The following TBC1D9B variants were observed in gnomAD, a reference collection of about 807,000 sequenced individuals.
TBC1D9B encodes TBC1 domain family member 9B.
Under a neutral mutation model 121.1 loss-of-function variants are expected in TBC1D9B, and 87 were observed. The observed-to-expected ratio is 0.72, with a 90% CI of 0.60 to 0.86. TBC1D9B has a LOEUF of 0.86. Among genes scored for constraint, TBC1D9B ranks in the 40% least tolerant of loss-of-function variants. The pLI, the probability that TBC1D9B is intolerant of heterozygous loss-of-function variation, is 0.00. For missense variants in TBC1D9B, 1,540 were observed against 1,628.6 expected, an observed-to-expected ratio of 0.95 and a Z score of 0.94; for synonymous variants, 668 against 670.1, an observed-to-expected ratio of 1.00 and a Z score of 0.05.
intron 2 of TBC1D9B, among the ~76,000 whole-genome samples, chr5:179,903,032 C>G (rs892006444): frequency 6.6e-6 from 1 of 152,126 alleles, no homozygotes; most frequent in African/African-American, 2.4e-5. Context: ...CTTCCTTGAC[C>G]CTTCCCCTCC....
At chr5:179,871,715 C>A (rs1221694759) in intron 14 of TBC1D9B, 185 bp from the exon 15 acceptor site, 1 of 578,228 alleles carries the variant, frequency 1.7e-6, no homozygotes, top group Admixed American at 2.8e-5. Context: ...TGGCCCCCCA[C>A]CTACCACTCA....
chr5:179,889,115 T>C (rs1355543684), intron 6 of TBC1D9B, among the ~76,000 whole-genome samples: 4 of 151,866 alleles, frequency 2.6e-5, no homozygotes, highest in Admixed American at 6.6e-5. Flanking sequence ...CTGCAAGCTC[T>C]GCCTCCCGGG....
chr5:179,894,099 G>A (rs1015966696), intron 4 of TBC1D9B, among the ~76,000 whole-genome samples: 2 of 152,198 alleles, frequency 1.3e-5, no homozygotes, highest in Admixed American at 6.5e-5. Context: ...CCAGGAATTT[G>A]GGACAGACGT....
intron 12 of TBC1D9B, among the ~76,000 whole-genome samples, chr5:179,873,747 T>G (rs1266085399): frequency 6.6e-6 from 1 of 152,164 alleles, no homozygotes. Context: ...CTCTGTCAGC[T>G]GACCTAGCCC....
intron 3 of TBC1D9B, among the ~76,000 whole-genome samples, chr5:179,896,725 T>C (rs1172207846): frequency 6.6e-6 from 1 of 152,042 alleles, no homozygotes; most frequent in Non-Finnish European, 1.5e-5. Flanking sequence ...GGTTTTGCCA[T>C]GTTGGCCAGG....
rs1031838104 is a variant in TBC1D9B, at chr5:179,885,618, T to C, written c.1254+2485A>G. 1.3e-5 allele frequency among the ~76,000 whole-genome samples: 2 copies of C among 151,998 alleles called. No homozygotes were observed. Among genetic ancestry groups the C allele is most frequent in the African/African-American group, 2.4e-5 (1 of 41,366 alleles). The stretch of plus-strand genomic sequence containing the variant: ...CCAAAAAAAAAAAGATGGAGGTATT[T>C]TACGTTTTTCTTTTCATACGAAGTC... On this transcript the variant is annotated intron_variant, in intron 7 of 20. Coordinates refer to ENST00000355235, the MANE Select transcript of TBC1D9B (RefSeq NM_015043.4). This position sits in a 1 kb window ranked among gnomAD's most constrained non-coding sequence, Gnocchi z 4.5.
Position 179,865,375 on chromosome 5 carries a change from G to A in TBC1D9B, c.2915-15C>T, listed in dbSNP as rs768846166. 2 of 1,611,728 alleles carry A rather than the reference G, an allele frequency of 1.2e-6. No homozygotes were observed. The highest frequency in any genetic ancestry group is 2.2e-5 in the South Asian group (2 of 91,032). ...CCCCTTCTCCTCTGCAGGTTAGGAG[G>A]AAAGAGATTAATCTTTGTCATGTGA... On this transcript the variant is annotated splice_polypyrimidine_tract_variant and intron_variant, in intron 19 of 20. Coordinates refer to ENST00000355235, the MANE Select transcript of TBC1D9B (RefSeq NM_015043.4). This position sits in a 1 kb window ranked among gnomAD's most constrained non-coding sequence, Gnocchi z 5.1.
chr5:179,865,943 C>T lies in TBC1D9B; in HGVS notation c.2864-55G>A, dbSNP rs756205867. On this transcript the variant is annotated intron_variant, in intron 18 of 20. Coordinates refer to ENST00000355235, the MANE Select transcript of TBC1D9B (RefSeq NM_015043.4). This position sits in a 1 kb window ranked among gnomAD's most constrained non-coding sequence, Gnocchi z 5.1. Reference sequence around the variant, plus strand: ...GAATAACATTCTGCTGTTGGGACTGCAAGCTCCTGGGGTCCTTGAGATGTA... The same window carrying T: ...GAATAACATTCTGCTGTTGGGACTGTAAGCTCCTGGGGTCCTTGAGATGTA... 3.7e-6 allele frequency: 6 copies of T among 1,605,182 alleles called. No homozygotes were observed. The highest frequency in any genetic ancestry group is 5.1e-6 in the Non-Finnish European group (6 of 1,172,088).
chr5:179,866,370 A>T (rs1217255572), intron 18 of TBC1D9B: 1 of 155,272 alleles, frequency 6.4e-6, no homozygotes. Context: ...TTCGGGGAGG[A>T]CATTTGCCGG....
chr5:179,869,845 G>A lies in TBC1D9B; in HGVS notation c.2726-11C>T, dbSNP rs374977507. 2.0e-6 allele frequency: 3 copies of A among 1,537,642 alleles called. No individual in the cohort carries two copies. The highest frequency in any genetic ancestry group is 2.6e-6 in the Non-Finnish European group (3 of 1,142,218). ...CGTGGTACATCCCGCCTGTGGAGAA[G>A]GCCAGGGAGGGCTGGGTCTGGCAAC... On this transcript the variant is annotated splice_polypyrimidine_tract_variant and intron_variant, in intron 16 of 20. Coordinates refer to ENST00000355235, the MANE Select transcript of TBC1D9B (RefSeq NM_015043.4).
intron 3 of TBC1D9B, among the ~76,000 whole-genome samples, chr5:179,898,443 G>C (rs1761075832): frequency 6.8e-6 from 1 of 148,102 alleles, no homozygotes; most frequent in Non-Finnish European, 1.5e-5. Flanking sequence ...CTGAGCCACC[G>C]CACCTGGCCT....
intron 7 of TBC1D9B, among the ~76,000 whole-genome samples, chr5:179,881,707 CCT>C (rs901039742): frequency 2.0e-5 from 3 of 152,036 alleles, no homozygotes; most frequent in African/African-American, 4.8e-5. Flanking sequence ...AGTTTTTTTC[CCT>C]GTTAGAAAGT....
At chr5:179,880,287 C>T (rs1760501660) in intron 7 of TBC1D9B, among the ~76,000 whole-genome samples, 1 of 152,206 alleles carries the variant, frequency 6.6e-6, no homozygotes, top group African/African-American at 2.4e-5. Flanking sequence ...TTGGGATAAC[C>T]CAGGGAGCAT....
chr5:179,886,845 T>A (rs1760699460), intron 7 of TBC1D9B, among the ~76,000 whole-genome samples: 1 of 152,218 alleles, frequency 6.6e-6, no homozygotes, highest in Admixed American at 6.5e-5. Flanking sequence ...ATCCATCTTG[T>A]CACACCAGAA....
intron 20 of TBC1D9B, 29 bp from the exon 21 acceptor site, chr5:179,864,157 G>T: frequency 6.4e-7 from 1 of 1,566,168 alleles, no homozygotes; most frequent in South Asian, 1.2e-5. Context: ...GAAGAACAGG[G>T]AGATGGTAAA....
Position 179,874,029 on chromosome 5 carries a change from C to T in TBC1D9B, c.2187-781G>A, listed in dbSNP as rs111315650. The stretch of plus-strand genomic sequence containing the variant: ...CCTGCTGGATCTAGAGAGTCCCAGG[C>T]AGCACCTGGCCTGGCCATGGGCAAG... On this transcript the variant is annotated intron_variant, in intron 12 of 20. Transcript: ENST00000355235. The surrounding 1 kb of genome is among the most constrained non-coding windows in gnomAD (Gnocchi z 4.3). Among the ~76,000 whole-genome samples, 1 of 152,218 alleles carries T rather than the reference C, an allele frequency of 6.6e-6. No individual in the cohort carries two copies. Among genetic ancestry groups the T allele is most frequent in the African/African-American group, 2.4e-5 (1 of 41,448 alleles).
At position 179,891,642 on chromosome 5, in the gene TBC1D9B, A is replaced by G. The variant is rs1226758829; in HGVS notation, c.837-56T>C. 4.4e-6 allele frequency: 7 copies of G among 1,585,598 alleles called. No individual in the cohort carries two copies. The highest frequency in any genetic ancestry group is 1.3e-5 in the African/African-American group (1 of 74,354). On this transcript the variant is annotated intron_variant, in intron 5 of 20. Coordinates refer to ENST00000355235, the MANE Select transcript of TBC1D9B (RefSeq NM_015043.4). This position sits in a 1 kb window ranked among gnomAD's most constrained non-coding sequence, Gnocchi z 4.3. ...AAGGGGACAAGGTCAGGACCAGCAC[A>G]CTCTCAAGGAAGCCTTGGGGCCTCC...
chr5:179,878,480 C>G lies in TBC1D9B; in HGVS notation c.1611G>C (p.Glu537Asp). The G allele has an allele frequency of 1.2e-6, 2 of 1,611,630 alleles. No individual in the cohort carries two copies. Among genetic ancestry groups the G allele is most frequent in the Non-Finnish European group, 1.7e-6 (2 of 1,178,924 alleles). ...ACTTCCCGGTGGACTTCTCCACCAG[C>G]TCAGCATAGTACCCGGGGTGAGTCA... ...EMVTHPGYYA[E>D]LVEKSTGKYS... Residue 537 changes from glutamate (E) to aspartate (D), a missense_variant, in exon 10 of 21, where the codon GAG becomes GAC. Glu to Asp is a conservative substitution (Grantham distance 45). Coordinates refer to ENST00000355235, the MANE Select transcript of TBC1D9B (RefSeq NM_015043.4).
chr5:179,871,377 T>G, intron 15 of TBC1D9B, 85 bp downstream of exon 15: 1 of 1,357,986 alleles, frequency 7.4e-7, no homozygotes, highest in Non-Finnish European at 1.0e-6. Context: ...TATCTACTTC[T>G]AAGAGGATAC....
Sources: gnomAD v4.1 joint callset for allele counts (sites outside exome capture counted in the v4.1 genomes callset) on GRCh38, gnomAD v4.1.1 for gene constraint, Gnocchi (gnomAD v3.1) non-coding constraint, MANE v1.5 for transcripts, NCBI Gene and HGNC (gene_info 2026-07-23, HGNC 2026-07-21) for gene names.